Variants in ZNF385D observed in about 807,000 individuals in gnomAD.
ZNF385D encodes zinc finger protein 385D, also known as zinc finger protein 659.
ZNF385D carries 15 observed loss-of-function variants against 35.8 expected under a neutral mutation model. The ratio of observed to expected loss-of-function variants is 0.42; its 90% CI spans 0.28 to 0.64. The LOEUF is 0.64. ZNF385D is among the 30% of genes least tolerant of loss of function. The pLI is 0.23. For missense variants in ZNF385D, 474 were observed against 494.6 expected, an observed-to-expected ratio of 0.96 and a Z score of 0.39; for synonymous variants, 212 against 186.8, an observed-to-expected ratio of 1.13 and a Z score of -1.10.
chr3:21,757,796 G>C (rs908806725), intron 3 of ZNF385D, among the ~76,000 whole-genome samples: 1 of 152,152 alleles, frequency 6.6e-6, no homozygotes, highest in Non-Finnish European at 1.5e-5. Context: ...ACTGGTTACA[G>C]TTTATTGCTT....
chr3:22,123,564 A>T (rs1703224222), intron 3 of ZNF385D, among the ~76,000 whole-genome samples: 2 of 152,182 alleles, frequency 1.3e-5, no homozygotes, highest in South Asian at 2.1e-4. Context: ...ACAACAAAAA[A>T]TTATTGCTGA....
At chr3:22,124,502 A>G (rs1199645482) in intron 3 of ZNF385D, among the ~76,000 whole-genome samples, 1 of 151,770 alleles carries the variant, frequency 6.6e-6, no homozygotes, top group Non-Finnish European at 1.5e-5. Context: ...GTGGACCTCT[A>G]TACTTTTCTC....
chr3:21,812,655 T>C (rs1202650990), intron 3 of ZNF385D, among the ~76,000 whole-genome samples: 1 of 151,190 alleles, frequency 6.6e-6, no homozygotes. Context: ...GGGAGGGGAG[T>C]GCGCCATTGC....
At chr3:22,128,104 G>T (rs757730944) in intron 3 of ZNF385D, among the ~76,000 whole-genome samples, 9 of 152,034 alleles carry the variant, frequency 5.9e-5, no homozygotes, top group Non-Finnish European at 1.0e-4. Flanking sequence ...TGTTTGTCTG[G>T]GAAGCTCTTT....
chr3:21,434,858 C>T (rs532579416), intron 5 of ZNF385D, among the ~76,000 whole-genome samples: 16 of 152,070 alleles, frequency 1.1e-4, no homozygotes, highest in African/African-American at 3.1e-4. Context: ...AGAAAGAAGG[C>T]AAGTGGCCTT....
chr3:21,843,499 C>T (rs538614754), intron 3 of ZNF385D, among the ~76,000 whole-genome samples: 1 of 151,842 alleles, frequency 6.6e-6, no homozygotes, highest in Admixed American at 6.6e-5. Context: ...AGCCCAAGCA[C>T]GTGAGAGGTA....
chr3:21,967,296 T>C (rs1241426772), intron 3 of ZNF385D, among the ~76,000 whole-genome samples: 3 of 152,238 alleles, frequency 2.0e-5, no homozygotes, highest in Middle Eastern at 3.4e-3. Context: ...GAAAATTTTT[T>C]CCCCCAAAAT....
chr3:21,817,761 T>C (rs1288778889), intron 3 of ZNF385D, among the ~76,000 whole-genome samples: 1 of 152,224 alleles, frequency 6.6e-6, no homozygotes, highest in Admixed American at 6.5e-5. Context: ...TGGAAGGCAG[T>C]GTGGTGATTC....
At chr3:22,174,218 T>C (rs1347039290) in intron 2 of ZNF385D, among the ~76,000 whole-genome samples, 1 of 152,190 alleles carries the variant, frequency 6.6e-6, no homozygotes, top group Non-Finnish European at 1.5e-5. Flanking sequence ...GTAGAAAACT[T>C]TCCCTGCAAA....
intron 3 of ZNF385D, among the ~76,000 whole-genome samples, chr3:22,130,084 T>C (rs1250790127): frequency 6.6e-6 from 1 of 152,122 alleles, no homozygotes; most frequent in Non-Finnish European, 1.5e-5. Context: ...GAATCCTTTG[T>C]GGCCCTGGGT....
chr3:21,698,008 T>C (rs1009252163), intron 1 of ZNF385D, among the ~76,000 whole-genome samples: 2 of 152,106 alleles, frequency 1.3e-5, no homozygotes, highest in Non-Finnish European at 2.9e-5. Flanking sequence ...GGAATGTAAA[T>C]TAGTGCAACC....
chr3:21,529,015 A>G (rs2061856530), intron 3 of ZNF385D, among the ~76,000 whole-genome samples: 1 of 152,214 alleles, frequency 6.6e-6, no homozygotes, highest in Non-Finnish European at 1.5e-5. Context: ...AATACCTAGA[A>G]GATGTGCTGA....
At chr3:21,734,177 T>C (rs912796967) in intron 1 of ZNF385D, among the ~76,000 whole-genome samples, 9 of 152,126 alleles carry the variant, frequency 5.9e-5, no homozygotes, top group African/African-American at 1.7e-4. Flanking sequence ...CCAACAATCT[T>C]GTGATATTAG....
intron 3 of ZNF385D, among the ~76,000 whole-genome samples, chr3:21,538,948 A>G (rs2062106451): frequency 6.6e-6 from 1 of 152,078 alleles, no homozygotes; most frequent in Non-Finnish European, 1.5e-5. Flanking sequence ...CACTGTGGCT[A>G]AAGTTTAAAA....
intron 3 of ZNF385D, among the ~76,000 whole-genome samples, chr3:22,114,063 G>A (rs1220256238): frequency 3.9e-5 from 6 of 151,950 alleles, no homozygotes; most frequent in Non-Finnish European, 8.8e-5. Flanking sequence ...ATTTAACAAC[G>A]TTTAAGTGAG....
At chr3:22,153,464 CTTT>C (rs769926281) in intron 3 of ZNF385D, among the ~76,000 whole-genome samples, 14 of 109,304 alleles carry the variant, frequency 1.3e-4, no homozygotes, top group Admixed American at 2.9e-4. Context: ...TGAAATTCTT[CTTT>C]TTTTTTTTTT....
chr3:22,267,855 C>A (rs1700974363), intron 2 of ZNF385D, among the ~76,000 whole-genome samples: 1 of 151,780 alleles, frequency 6.6e-6, no homozygotes, highest in Non-Finnish European at 1.5e-5. Context: ...ATGTGAAAGG[C>A]AATAAAAATC....
intron 3 of ZNF385D, among the ~76,000 whole-genome samples, chr3:22,002,737 C>T (rs1020229865): frequency 8.5e-5 from 13 of 152,134 alleles, no homozygotes; most frequent in African/African-American, 2.2e-4. Flanking sequence ...AAAGATAATA[C>T]ACCAGGATCA....
At chr3:22,019,034 CTTTTTTTTTTTT>C (rs11380195) in intron 3 of ZNF385D, among the ~76,000 whole-genome samples, 44 of 64,466 alleles carry the variant, frequency 6.8e-4, no homozygotes, top group African/African-American at 2.0e-3. Flanking sequence ...AGTTATTTAC[CTTTTTTTTTTTT>C]TTTTTTTTTT....
Sources: allele counts gnomAD v4.1 joint callset (sites outside exome capture counted in the v4.1 genomes callset), GRCh38; gene constraint gnomAD v4.1.1; transcripts MANE v1.5; gene names NCBI Gene and HGNC (gene_info 2026-07-23, HGNC 2026-07-21).